The following PDE1A variants were observed in gnomAD, a reference collection of about 807,000 sequenced individuals.
The protein encoded by PDE1A is phosphodiesterase 1A, also known as dual specificity calcium/calmodulin-dependent 3',5'-cyclic nucleotide phosphodiesterase 1A.
In PDE1A, 35 loss-of-function variants were observed where a neutral mutation model predicts 61.7. The observed-to-expected ratio is 0.57, with a 90% CI of 0.43 to 0.75. The LOEUF (loss-of-function observed/expected upper bound fraction) is 0.75. Ranked by LOEUF, PDE1A falls within the 30% of genes least tolerant of loss-of-function variation. PDE1A has a pLI of 0.00. For synonymous variants in PDE1A, 232 were observed against 213.2 expected (o/e 1.09, Z -0.77); for missense variants, 597 against 630.6 (o/e 0.95, Z 0.57).
At chr2:182,455,926 GA>G (rs5836836) in intron 2 of PDE1A, among the ~76,000 whole-genome samples, 14 of 148,788 alleles carry the variant, frequency 9.4e-5, no homozygotes, top group South Asian at 4.3e-4. Context: ...CAGGTTAAGA[GA>G]AAAAAAAAAC....
chr2:182,397,240 T>C lies in PDE1A; in HGVS notation c.53+29338A>G, dbSNP rs140392666. The stretch of plus-strand genomic sequence containing the variant: ...AATGAACCTAACATATTTGAGGTGA[T>C]GGCAAGATGAACAGAAATAACAAAA... On this transcript the variant is annotated intron_variant, in intron 1 of 13. Coordinates refer to ENST00000351439, the Ensembl canonical transcript of PDE1A. 7.1e-3 allele frequency among the ~76,000 whole-genome samples: 1,088 copies of C among 152,284 alleles called. 11 individuals are homozygous for C. Among genetic ancestry groups the C allele is most frequent in the African/African-American group, 0.025 (1,024 of 41,556 alleles).
At chr2:182,268,029 A>G (rs1259435526) in intron 1 of PDE1A, among the ~76,000 whole-genome samples, 1 of 152,132 alleles carries the variant, frequency 6.6e-6, no homozygotes, top group Non-Finnish European at 1.5e-5. Context: ...CCCTTAATTT[A>G]GCAAAAATTC....
chr2:182,365,657 G>A (rs1313482200), intron 1 of PDE1A, among the ~76,000 whole-genome samples: 1 of 151,790 alleles, frequency 6.6e-6, no homozygotes, highest in African/African-American at 2.4e-5. Flanking sequence ...TCTTACCAGT[G>A]TCTTGGGCCT....
chr2:182,168,008 A>C, exon 14 of PDE1A: 1 of 1,221,186 alleles, frequency 8.2e-7, no homozygotes, highest in Non-Finnish European at 1.0e-6. Context: ...CAGATATCTG[A>C]AAGCACAAGG....
At chr2:182,333,438 G>A (rs975050916) in intron 1 of PDE1A, among the ~76,000 whole-genome samples, 10 of 152,068 alleles carry the variant, frequency 6.6e-5, no homozygotes, top group Non-Finnish European at 1.0e-4. Context: ...ACCCAAAACC[G>A]CACAATTACA....
intron 2 of PDE1A, among the ~76,000 whole-genome samples, chr2:182,247,456 T>G (rs1031257319): frequency 2.0e-5 from 3 of 152,162 alleles, no homozygotes; most frequent in African/African-American, 7.2e-5. Context: ...AGATCAAACC[T>G]AAATTTGAAT....
At chr2:182,485,220 C>T (rs920714949) in intron 2 of PDE1A, among the ~76,000 whole-genome samples, 7 of 151,950 alleles carry the variant, frequency 4.6e-5, no homozygotes, top group East Asian at 1.9e-4. Context: ...TGCAGGAACA[C>T]GGATGCAGCT....
the PDE1A span, among the ~76,000 whole-genome samples, chr2:182,569,557 G>A: frequency 1.8e-4 from 27 of 152,196 alleles, no homozygotes; most frequent in Non-Finnish European, 3.1e-4. Context: ...TCTCTTTAAC[G>A]AGACTTTCTC....
the PDE1A span, among the ~76,000 whole-genome samples, chr2:182,663,324 T>C: frequency 6.6e-6 from 1 of 152,196 alleles, no homozygotes; most frequent in African/African-American, 2.4e-5. Context: ...CATTACTGGG[T>C]ATATACCCAA....
At chr2:182,650,608 T>A in the PDE1A span, among the ~76,000 whole-genome samples, 3 of 152,138 alleles carry the variant, frequency 2.0e-5, no homozygotes, top group Non-Finnish European at 4.4e-5. Flanking sequence ...TCTACAATAA[T>A]GATAAAAATG....
chr2:182,679,191 A>ATTT, the PDE1A span, among the ~76,000 whole-genome samples: 935 of 138,222 alleles, frequency 6.8e-3, 9 homozygotes, highest in African/African-American at 0.024. Flanking sequence ...TATTATTATT[A>ATTT]TTTTTTTTTT....
chr2:182,527,830 T>A (rs1299309310), upstream of PDE1A, among the ~76,000 whole-genome samples: 1 of 151,956 alleles, frequency 6.6e-6, no homozygotes, highest in Admixed American at 6.6e-5. Flanking sequence ...AGTGAATAAG[T>A]CTCATGAGAT....
chr2:182,301,139 A>G (rs148982168), intron 1 of PDE1A, among the ~76,000 whole-genome samples: 1 of 152,346 alleles, frequency 6.6e-6, no homozygotes, highest in African/African-American at 2.4e-5. Flanking sequence ...CTTGAACTAA[A>G]GAACCCATAT....
rs549441278 is a variant in PDE1A at position 182,359,752 on chromosome 2, G to C, written c.53+66826C>G. Among the ~76,000 whole-genome samples the C allele has an allele frequency of 3.9e-5, 6 of 152,194 alleles. No individual in the cohort carries two copies. The East Asian group carries it at 1.2e-3, about 29-fold the overall frequency. On this transcript the variant is annotated intron_variant, in intron 1 of 13. Transcript: ENST00000351439. ...GAAAAGTAACAGGGAAAAGGTTACA[G>C]AAGGCATTTTCCCATGAGCTTCTAT...
chr2:182,266,012 G>A (rs969816946), intron 1 of PDE1A, among the ~76,000 whole-genome samples: 1 of 152,072 alleles, frequency 6.6e-6, no homozygotes, highest in South Asian at 2.1e-4. Flanking sequence ...TTCAGCAAAG[G>A]TATTTGACAT....
At chr2:182,694,135 A>C in the PDE1A span, among the ~76,000 whole-genome samples, 1 of 152,166 alleles carries the variant, frequency 6.6e-6, no homozygotes, top group Non-Finnish European at 1.5e-5. Flanking sequence ...TCGTTGATTC[A>C]TTCTGACTTA....
intron 1 of PDE1A, among the ~76,000 whole-genome samples, chr2:182,290,600 G>T (rs1221532094): frequency 6.6e-6 from 1 of 151,836 alleles, no homozygotes; most frequent in East Asian, 1.9e-4. Flanking sequence ...TCCCTTCTTT[G>T]AAACTCTGTA....
At chr2:182,301,490 G>T (rs898787784) in intron 1 of PDE1A, among the ~76,000 whole-genome samples, 2 of 152,182 alleles carry the variant, frequency 1.3e-5, no homozygotes, top group African/African-American at 4.8e-5. Flanking sequence ...AGCTGTAAAA[G>T]ACACACTTGA....
At chr2:182,652,152 A>G in the PDE1A span, among the ~76,000 whole-genome samples, 26 of 152,336 alleles carry the variant, frequency 1.7e-4, no homozygotes, top group East Asian at 4.8e-3. Flanking sequence ...TTGAATAAAA[A>G]CATGAAGCAT....
Sources: gnomAD v4.1 joint callset for allele counts (sites outside exome capture counted in the v4.1 genomes callset) on GRCh38, gnomAD v4.1.1 for gene constraint, MANE v1.5 for transcripts, NCBI Gene and HGNC (gene_info 2026-07-23, HGNC 2026-07-21) for gene names.